Variants in TOGARAM2 observed in about 807,000 individuals in gnomAD.
TOGARAM2 encodes the protein TOG array regulator of axonemal microtubules protein 2.
Under a neutral mutation model 93.3 loss-of-function variants are expected in TOGARAM2, and 85 were observed. The ratio of observed to expected loss-of-function variants is 0.91; its 90% CI spans 0.76 to 1.09. The LOEUF (loss-of-function observed/expected upper bound fraction) is 1.09. Ranked by LOEUF, TOGARAM2 falls within the 50% of genes least tolerant of loss-of-function variation. The pLI is 0.00. For synonymous variants in TOGARAM2, 593 were observed against 552.8 expected (o/e 1.07, Z -1.02); for missense variants, 1,277 against 1,334.5 (o/e 0.96, Z 0.67).
rs1021665245 is a variant in TOGARAM2 at position 29,003,573 on chromosome 2, C to G, written c.721C>G (p.Pro241Ala). The G allele has an allele frequency of 6.3e-7, 1 of 1,596,410 alleles. No homozygotes were observed. Among genetic ancestry groups the G allele is most frequent in the Non-Finnish European group, 8.5e-7 (1 of 1,172,316 alleles). The change falls in exon 6 of 20, where the codon CCA (proline) becomes GCA (alanine). Residue 241 changes from proline (P) to alanine (A), a missense_variant. Pro to Ala is a conservative substitution (Grantham distance 27). Coordinates refer to ENST00000379558, the MANE Select transcript of TOGARAM2 (RefSeq NM_199280.4). ...SLGAIVIPPI[P>A]KARTVAATPS... The stretch of plus-strand genomic sequence containing the variant: ...GGGCGCCATCGTGATCCCACCCATC[C>G]CAAAGGCCAGGACGGTTGCAGCGAC...
At chr2:28,982,356 G>A (rs1002819297) in intron 1 of TOGARAM2, among the ~76,000 whole-genome samples, 4 of 152,216 alleles carry the variant, frequency 2.6e-5, no homozygotes, top group Admixed American at 2.0e-4. Flanking sequence ...AGCGCTGGGA[G>A]GGGAGGGACT....
At chr2:29,045,618 G>T in intron 19 of TOGARAM2, 1 of 570,102 alleles carries the variant, frequency 1.8e-6, no homozygotes. Flanking sequence ...AAGTAGGTTT[G>T]TACAAAAGCA....
chr2:28,984,940 GC>G (rs987700160), intron 1 of TOGARAM2, among the ~76,000 whole-genome samples: 40 of 152,202 alleles, frequency 2.6e-4, no homozygotes, highest in Non-Finnish European at 4.4e-4. Context: ...CCTGCTGAAG[GC>G]CTTGCCAGCT....
At chr2:29,019,064 T>C (rs1226223670) in intron 10 of TOGARAM2, among the ~76,000 whole-genome samples, 1 of 152,056 alleles carries the variant, frequency 6.6e-6, no homozygotes, top group Non-Finnish European at 1.5e-5. Context: ...TGATTTGAAG[T>C]GCAATGTAAA....
intron 13 of TOGARAM2, among the ~76,000 whole-genome samples, chr2:29,025,882 G>A (rs557495619): frequency 1.4e-4 from 22 of 152,316 alleles, no homozygotes; most frequent in African/African-American, 5.1e-4. Flanking sequence ...CAAGCACCAG[G>A]GATGTGTCAG....
rs764461123 is a variant in TOGARAM2, at chr2:29,022,261, G to A, written c.1464G>A (p.Pro488=). Residue 488 remains proline (P), a synonymous_variant, in exon 11 of 20, where the codon CCG becomes CCA. Transcript: ENST00000379558. ...AGGAGTTGAGGCCTTTCTCGAACCCGGAGCTGGGGCTGAGGGATGCACTCC... is the reference window on the plus strand; with the variant it reads ...AGGAGTTGAGGCCTTTCTCGAACCCAGAGCTGGGGCTGAGGGATGCACTCC... ...ACKELRPFSN[P]ELGLRDALQC... is the part of the protein sequence containing the mutation. The A allele has an allele frequency of 2.7e-5, 44 of 1,614,024 alleles. No homozygotes were observed. Among genetic ancestry groups the A allele is most frequent in the East Asian group, 4.5e-5 (2 of 44,882 alleles).
At chr2:28,986,202 G>A (rs188175048) in intron 1 of TOGARAM2, among the ~76,000 whole-genome samples, 5 of 151,352 alleles carry the variant, frequency 3.3e-5, no homozygotes, top group Non-Finnish European at 5.9e-5. Flanking sequence ...ATCAAACATG[G>A]CAGCCCTGCT....
chr2:28,979,165 C>T (rs566083674), upstream of TOGARAM2, among the ~76,000 whole-genome samples: 7 of 152,230 alleles, frequency 4.6e-5, no homozygotes, highest in East Asian at 3.9e-4. Flanking sequence ...CCCAGAGGCC[C>T]GGGGCTCAGG....
In TOGARAM2 at chr2:29,042,553, TA is replaced by T. The variant is rs1352899322; in HGVS notation, c.2636-2770del. Among the ~76,000 whole-genome samples the T allele has an allele frequency of 3.3e-5, 5 of 152,276 alleles. No homozygotes were observed. The East Asian group carries it at 9.6e-4, about 29-fold the overall frequency. ...GAGCAGAAAGAACACTCGGGGGGGCTACAGGCAGGTGAAAGATGATTTTATT... is the reference window on the plus strand; with the variant it reads ...GAGCAGAAAGAACACTCGGGGGGGCTCAGGCAGGTGAAAGATGATTTTATT... On this transcript the variant is annotated intron_variant, in intron 18 of 19. Coordinates refer to ENST00000379558, the MANE Select transcript of TOGARAM2 (RefSeq NM_199280.4).
rs141442399 is a variant in TOGARAM2, at chr2:29,008,462, T to A, written c.831-2993T>A. Among the ~76,000 whole-genome samples, 191 of 136,580 alleles carry A rather than the reference T, an allele frequency of 1.4e-3. 1 individual carries two copies. Among genetic ancestry groups the A allele is most frequent in the African/African-American group, 4.6e-3 (166 of 36,232 alleles). The allele number at this position is 136,580 out of a possible 152,430, so 89.6% of individuals were successfully genotyped here. A position where few individuals can be genotyped will look rare whatever the true frequency, so the allele number is the denominator to read the frequency against. On this transcript the variant is annotated intron_variant, in intron 6 of 19. Transcript: ENST00000379558. Reference sequence around the variant, plus strand: ...CACTGCACCCAGCCAATTAAAAATATATATATTTTTTTGAGATGGAGTCTT... The same window carrying A: ...CACTGCACCCAGCCAATTAAAAATAAATATATTTTTTTGAGATGGAGTCTT...
At chr2:29,050,160 T>G (rs1403723567) in intron 19 of TOGARAM2, 1 of 152,120 alleles carries the variant, frequency 6.6e-6, no homozygotes, top group Non-Finnish European at 1.5e-5. Context: ...AAGACCAGCC[T>G]GGGTAACATA....
At chr2:28,963,964 G>A (rs886249101) in intron 1 of TOGARAM2, among the ~76,000 whole-genome samples, 37 of 152,096 alleles carry the variant, frequency 2.4e-4, no homozygotes, top group African/African-American at 8.9e-4. Flanking sequence ...CCAAGATCGC[G>A]CCATTGCACT....
intron 10 of TOGARAM2, among the ~76,000 whole-genome samples, chr2:29,019,660 G>A (rs182892813): frequency 6.6e-6 from 1 of 152,230 alleles, no homozygotes; most frequent in Admixed American, 6.5e-5. Context: ...GCAGGTGAGC[G>A]GGTAGGTAGA....
At chr2:29,043,909 C>T (rs1666584790) in intron 18 of TOGARAM2, among the ~76,000 whole-genome samples, 1 of 152,204 alleles carries the variant, frequency 6.6e-6, no homozygotes, top group Non-Finnish European at 1.5e-5. Context: ...GAACAAGCAG[C>T]TTCTAAATTC....
intron 6 of TOGARAM2, among the ~76,000 whole-genome samples, chr2:29,010,318 T>A (rs1005466251): frequency 6.6e-6 from 1 of 151,914 alleles, no homozygotes; most frequent in South Asian, 2.1e-4. Flanking sequence ...GCTCCCCAGG[T>A]CAGGGGTGCC....
rs1041441895 is a variant in TOGARAM2 at position 29,017,324 on chromosome 2, G to A, written c.1195+20G>A. The A allele has an allele frequency of 1.3e-6, 2 of 1,574,120 alleles. No homozygotes were observed. Among genetic ancestry groups the A allele is most frequent in the Admixed American group, 3.9e-5 (2 of 51,916 alleles). The stretch of plus-strand genomic sequence containing the variant: ...AGGAAGGTACTGGGTGCCTGGTGTG[G>A]GATTTGCTCAGGCCTGGGGAGCTGA... On this transcript the variant is annotated intron_variant, in intron 9 of 19. Transcript: ENST00000379558.
intron 2 of TOGARAM2, 31 bp from the exon 3 acceptor site, chr2:28,998,112 A>C: frequency 6.7e-7 from 1 of 1,487,520 alleles, no homozygotes. Context: ...GAGGACTCTC[A>C]GGTGCTGCTC....
In TOGARAM2 at chr2:29,017,289, G is replaced by T. The variant is rs756437206; in HGVS notation, c.1180G>T (p.Ala394Ser). ...LTSQCLGSQR[A>S]FMKEGLLPLR... The stretch of plus-strand genomic sequence containing the variant: ...TTCCCAGTGCCTGGGCTCCCAGAGA[G>T]CCTTCATGAAGGAAGGTACTGGGTG... The change falls in exon 9 of 20, where the codon GCC (alanine) becomes TCC (serine). Residue 394 changes from alanine (A) to serine (S), a missense_variant. Coordinates refer to ENST00000379558, the MANE Select transcript of TOGARAM2 (RefSeq NM_199280.4). 1 of 1,608,392 alleles carries T rather than the reference G, an allele frequency of 6.2e-7. No individual in the cohort carries two copies. Among genetic ancestry groups the T allele is most frequent in the African/African-American group, 1.3e-5 (1 of 74,736 alleles).
At chr2:28,997,105 G>C (rs1012479800) in intron 2 of TOGARAM2, among the ~76,000 whole-genome samples, 5 of 152,144 alleles carry the variant, frequency 3.3e-5, no homozygotes, top group African/African-American at 1.2e-4. Flanking sequence ...AGCAAAAATA[G>C]ACAAATGGGA....
Sources: gnomAD v4.1 joint callset for allele counts (sites outside exome capture counted in the v4.1 genomes callset) on GRCh38, gnomAD v4.1.1 for gene constraint, MANE v1.5 for transcripts, NCBI Gene and HGNC (gene_info 2026-07-23, HGNC 2026-07-21) for gene names.